Variants in SVIL observed in about 807,000 individuals in gnomAD.
SVIL encodes the protein archvillin.
In SVIL, 101 loss-of-function variants were observed where a neutral mutation model predicts 240.4. The observed-to-expected ratio is 0.42, with a 90% CI of 0.36 to 0.50. SVIL has a LOEUF of 0.50. Among genes scored for constraint, SVIL ranks in the 20% least tolerant of loss-of-function variants. The pLI is 0.01. For synonymous variants in SVIL, 999 were observed against 1,100.0 expected (o/e 0.91, Z 1.82); for missense variants, 2,512 against 2,818.7 (o/e 0.89, Z 2.46).
At chr10:29,494,140 C>G (rs1230869789) in intron 20 of SVIL, among the ~76,000 whole-genome samples, 1 of 152,068 alleles carries the variant, frequency 6.6e-6, no homozygotes, top group Non-Finnish European at 1.5e-5. Flanking sequence ...TGCACTTTAG[C>G]CTGGGTGACA....
chr10:29,572,224 A>G (rs557581516), intron 1 of SVIL, among the ~76,000 whole-genome samples: 5 of 152,208 alleles, frequency 3.3e-5, no homozygotes, highest in Non-Finnish European at 7.3e-5. Flanking sequence ...CCTGGGTACT[A>G]GAGGGGTCAG....
At chr10:29,540,683 A>G (rs954244957) in intron 6 of SVIL, among the ~76,000 whole-genome samples, 1 of 151,616 alleles carries the variant, frequency 6.6e-6, no homozygotes, top group Admixed American at 6.6e-5. Flanking sequence ...GTGTTCATGG[A>G]CTCTAAGGTT....
At chr10:29,571,116 G>A (rs530037543) in intron 1 of SVIL, among the ~76,000 whole-genome samples, 1 of 152,326 alleles carries the variant, frequency 6.6e-6, no homozygotes, top group Non-Finnish European at 1.5e-5. Flanking sequence ...AGCAAAACTG[G>A]GTTGAGATTT....
At chr10:29,661,659 G>A (rs1959165116) in intron 2 of SVIL, among the ~76,000 whole-genome samples, 1 of 152,144 alleles carries the variant, frequency 6.6e-6, no homozygotes, top group African/African-American at 2.4e-5. Context: ...ACTAAATCTA[G>A]ACCAATTGCA....
At position 29,524,368 on chromosome 10, in the gene SVIL, C is replaced by T. The variant is rs1274075625; in HGVS notation, c.2586+104G>A. The stretch of plus-strand genomic sequence containing the variant: ...CAAATCACCTACAGGTAGCAGTTTC[C>T]TGGTAGAGCACCTTAATTACATCAT... On this transcript the variant is annotated intron_variant, in intron 14 of 37. Coordinates refer to ENST00000355867, the MANE Select transcript of SVIL (RefSeq NM_021738.3). The T allele has an allele frequency of 2.0e-6, 3 of 1,532,944 alleles. No homozygotes were observed. In the African/African-American group the frequency reaches 4.1e-5, roughly 21 times the overall value. The allele number at this position is 1,532,944 out of a possible 1,614,324, so 95.0% of individuals were successfully genotyped here. A position where few individuals can be genotyped will look rare whatever the true frequency, so the allele number is the denominator to read the frequency against.
chr10:29,637,154 C>G (rs987026590), upstream of SVIL, among the ~76,000 whole-genome samples: 1 of 152,048 alleles, frequency 6.6e-6, no homozygotes, highest in African/African-American at 2.4e-5. Flanking sequence ...AGTAAAGGTA[C>G]AGGCCCTAGA....
chr10:29,607,856 G>T (rs1010539897), intron 1 of SVIL, among the ~76,000 whole-genome samples: 1 of 152,248 alleles, frequency 6.6e-6, no homozygotes, highest in African/African-American at 2.4e-5. Flanking sequence ...GGAACCTGGA[G>T]TAAGAAGAAG....
chr10:29,505,369 T>A (rs1242315995), intron 17 of SVIL, among the ~76,000 whole-genome samples: 2 of 151,820 alleles, frequency 1.3e-5, no homozygotes, highest in African/African-American at 2.4e-5. Flanking sequence ...ATAAATAAAA[T>A]TTTAAAAAGA....
chr10:29,707,873 C>T (rs10159468), intron 1 of SVIL, among the ~76,000 whole-genome samples: 22,147 of 152,024 alleles, frequency 0.15, 1,913 homozygotes, highest in African/African-American at 0.23. Flanking sequence ...AAAATGAAGG[C>T]TTAGAACAGT....
At chr10:29,639,460 C>T (rs533310029), upstream of SVIL, among the ~76,000 whole-genome samples, 4 of 144,022 alleles carry the variant, frequency 2.8e-5, no homozygotes, top group East Asian at 2.0e-4. Flanking sequence ...TGAGCCACTG[C>T]GCCTGGCCCT....
At chr10:29,668,149 T>A (rs1239241817) in intron 2 of SVIL, among the ~76,000 whole-genome samples, 1 of 152,160 alleles carries the variant, frequency 6.6e-6, no homozygotes, top group South Asian at 2.1e-4. Flanking sequence ...TAAAGCTACC[T>A]CTGAGTGTTT....
rs189757096 is a variant in SVIL, at chr10:29,516,903, T to C, written c.3390-4042A>G. ...TCAGGGCTGGGTCAAACAGGAGACATGACAACCATGTGCCCCTAATATTAA... is the reference window on the plus strand; with the variant it reads ...TCAGGGCTGGGTCAAACAGGAGACACGACAACCATGTGCCCCTAATATTAA... On this transcript the variant is annotated intron_variant, in intron 16 of 37. Transcript: ENST00000355867. 3.1e-3 allele frequency among the ~76,000 whole-genome samples: 472 copies of C among 152,338 alleles called. 7 individuals are homozygous for C. In the South Asian group the frequency reaches 0.045, roughly 15 times the overall value.
intron 30 of SVIL, 30 bp downstream of exon 30, chr10:29,473,808 C>G: frequency 6.2e-7 from 1 of 1,613,058 alleles, no homozygotes; most frequent in Non-Finnish European, 8.5e-7. Flanking sequence ...TCCTCTCAGT[C>G]CCCGGGGTGC....
Position 29,480,785 on chromosome 10 carries a change from T to C in SVIL, c.5129A>G (p.Tyr1710Cys), listed in dbSNP as rs112957451. ...CATGGACACCATCCGTGTCACATCG[T>C]ATGCCTTGACATCAGTCCTGGGGTC... Reference protein sequence around the residue: ...KEDPRTDVKAYDVTRMVSMPQ... With the variant: ...KEDPRTDVKACDVTRMVSMPQ... Residue 1710 changes from tyrosine (Y) to cysteine (C), a missense_variant, in exon 29 of 38, where the codon TAC (tyrosine) becomes TGC (cysteine). Tyr to Cys is a radical substitution (Grantham distance 194). Around this residue, in one of 3 missense-constraint regions of SVIL, gnomAD observed 797 missense variants for 925.3 expected, o/e 0.86. Coordinates refer to ENST00000355867, the MANE Select transcript of SVIL (RefSeq NM_021738.3). 3 of 1,612,298 alleles carry C rather than the reference T, an allele frequency of 1.9e-6. No individual in the cohort carries two copies. Among genetic ancestry groups the C allele is most frequent in the African/African-American group, 1.3e-5 (1 of 75,054 alleles).
chr10:29,602,715 G>T (rs769072634), intron 1 of SVIL, among the ~76,000 whole-genome samples: 1 of 151,992 alleles, frequency 6.6e-6, no homozygotes, highest in Non-Finnish European at 1.5e-5. Flanking sequence ...GCCGGGCGCT[G>T]TGGCTCACGC....
chr10:29,676,419 T>C (rs931590483), intron 2 of SVIL, among the ~76,000 whole-genome samples: 6 of 152,116 alleles, frequency 3.9e-5, no homozygotes, highest in Non-Finnish European at 8.8e-5. Context: ...ATAAACTCTT[T>C]GAGAGCAAAG....
In SVIL at chr10:29,694,425, T is replaced by C. The variant is rs369437855; in HGVS notation, c.-399-7774A>G. Among the ~76,000 whole-genome samples, 4 of 152,010 alleles carry C rather than the reference T, an allele frequency of 2.6e-5. No individual in the cohort carries two copies. In the East Asian group the frequency reaches 5.8e-4, roughly 22 times the overall value. On this transcript the variant is annotated intron_variant, in intron 1 of 35. Transcript: ENST00000375400. ...TTAAAAAAATAAATTGATACAGTTA[T>C]TGTGAGCATGGTTACATTACAAGCA...
intron 9 of SVIL, 30 bp from the exon 10 acceptor site, chr10:29,531,318 T>C: frequency 2.5e-6 from 4 of 1,603,174 alleles, no homozygotes; most frequent in Non-Finnish European, 3.4e-6. Flanking sequence ...ATAACAATAA[T>C]ACATTAGCAG....
intron 15 of SVIL, among the ~76,000 whole-genome samples, chr10:29,522,878 AG>A (rs1395539402): frequency 6.6e-6 from 1 of 152,254 alleles, no homozygotes; most frequent in Non-Finnish European, 1.5e-5. Context: ...TGCGAGACAC[AG>A]GAAGTCAGCT....
Sources: allele counts gnomAD v4.1 joint callset (sites outside exome capture counted in the v4.1 genomes callset), GRCh38; gene constraint gnomAD v4.1.1; regional missense constraint gnomAD v4.1.1; transcripts MANE v1.5; gene names NCBI Gene and HGNC (gene_info 2026-07-23, HGNC 2026-07-21).